Variants in PGM2 observed in about 807,000 individuals in gnomAD.
The protein encoded by PGM2 is phosphopentomutase.
A neutral mutation model predicts 74.6 loss-of-function variants in PGM2; 57 were observed. The ratio of observed to expected loss-of-function variants is 0.76; its 90% CI spans 0.62 to 0.95. The LOEUF (loss-of-function observed/expected upper bound fraction) is 0.95. Ranked by LOEUF, PGM2 falls within the 40% of genes least tolerant of loss-of-function variation. PGM2 has a pLI of 0.00. For missense variants in PGM2, 706 were observed against 741.9 expected (o/e 0.95, Z 0.56); for synonymous variants, 273 against 260.7 (o/e 1.05, Z -0.46).
At chr4:37,849,385 G>A (rs892164781) in intron 11 of PGM2, among the ~76,000 whole-genome samples, 25 of 149,864 alleles carry the variant, frequency 1.7e-4, no homozygotes, top group African/African-American at 5.4e-4. Context: ...GGTGATCCCT[G>A]GGGTAGATTG....
intron 12 of PGM2, among the ~76,000 whole-genome samples, 176 bp downstream of exon 12, chr4:37,850,549 C>A (rs964876061): frequency 6.6e-6 from 1 of 152,132 alleles, no homozygotes; most frequent in Non-Finnish European, 1.5e-5. Flanking sequence ...GCCTATAATT[C>A]CAGCACTTTG....
In PGM2 at chr4:37,826,757, C is replaced by T; in HGVS notation, c.25C>T (p.Leu9=). 7.7e-6 allele frequency: 12 copies of T among 1,550,062 alleles called. No homozygotes were observed. The highest frequency in any genetic ancestry group is 9.6e-6 in the Non-Finnish European group (11 of 1,146,464). ...GATGGCGGCTCCAGAAGGCAGCGGT[C>T]TAGGCGAGGACGCCCGGCTGGACCA... The part of the protein sequence containing the change: MAAPEGSG[L]GEDARLDQET... The change falls in exon 1 of 14, where the codon CTA becomes TTA. Residue 9 remains leucine (L), a synonymous_variant. Transcript: ENST00000381967.
intron 8 of PGM2, 37 bp from the exon 9 acceptor site, chr4:37,846,894 G>T: frequency 1.3e-6 from 2 of 1,532,936 alleles, no homozygotes; most frequent in South Asian, 1.2e-5. Flanking sequence ...TAAGATTATG[G>T]AAATGAATGG....
At chr4:37,830,679 C>T (rs910438617) in intron 2 of PGM2, among the ~76,000 whole-genome samples, 8 of 152,142 alleles carry the variant, frequency 5.3e-5, no homozygotes, top group African/African-American at 1.9e-4. Context: ...ATTGGCAGTA[C>T]TGTTTATGAG....
In PGM2 at chr4:37,829,985, G is replaced by A; in HGVS notation, c.103G>A (p.Val35Met). ...WDKNSLTLEA[V>M]KRLIAEGNKE... is the part of the protein sequence containing the mutation. ...TCAGAATTCCTTAACTTTGGAGGCA[G>A]TGAAACGACTAATAGCAGAAGGTAA... Residue 35 changes from valine (V) to methionine (M), a missense_variant, in exon 2 of 14, where the codon GTG becomes ATG. By Grantham distance (21) the Val-to-Met change is conservative (BLOSUM62 1). Coordinates refer to ENST00000381967, the MANE Select transcript of PGM2 (RefSeq NM_018290.4). 1.9e-6 allele frequency: 3 copies of A among 1,603,524 alleles called. No homozygotes were observed. The highest frequency in any genetic ancestry group is 2.6e-6 in the Non-Finnish European group (3 of 1,176,152).
rs1726175187 is a variant in PGM2 at position 37,855,715 on chromosome 4, A to G, written c.1710A>G (p.Ala570=). Residue 570 remains alanine, a synonymous_variant, in exon 13 of 14, where the codon GCA becomes GCG. Coordinates refer to ENST00000381967, the MANE Select transcript of PGM2 (RefSeq NM_018290.4). ...CAGAGCCCAAAATCAAGTACTATGC[A>G]GAGCTGTGTGCCCCACCTGGGAACA... ...SGTEPKIKYY[A]ELCAPPGNSD... is the part of the protein sequence containing the mutation. The G allele has an allele frequency of 5.6e-6, 9 of 1,612,900 alleles. No homozygotes were observed. The East Asian group carries it at 2.0e-4, about 36-fold the overall frequency.
chr4:37,837,840 A>C, intron 4 of PGM2, among the ~76,000 whole-genome samples: 1 of 152,088 alleles, frequency 6.6e-6, no homozygotes, highest in East Asian at 1.9e-4. Flanking sequence ...TTTAAATTGC[A>C]GTTTTCCTTT....
intron 13 of PGM2, among the ~76,000 whole-genome samples, chr4:37,857,823 G>C (rs1162804278): frequency 6.6e-6 from 1 of 152,122 alleles, no homozygotes; most frequent in Non-Finnish European, 1.5e-5. Flanking sequence ...GTAATATTAT[G>C]CAAGAATCTT....
chr4:37,849,213 T>G (rs1022550494), intron 11 of PGM2, among the ~76,000 whole-genome samples: 23 of 152,204 alleles, frequency 1.5e-4, no homozygotes, highest in African/African-American at 5.3e-4. Flanking sequence ...GTGTCCAGTA[T>G]CAAAAAAGAT....
intron 10 of PGM2, chr4:37,847,554 CG>C: frequency 2.4e-6 from 1 of 408,718 alleles, no homozygotes; most frequent in South Asian, 2.3e-5. Context: ...GCTTGGCTGC[CG>C]GTACATGTAT....
chr4:37,826,737 C>A lies in PGM2; in HGVS notation c.5C>A (p.Ala2Glu). Residue 2 changes from alanine (A) to glutamate (E), a missense_variant, in exon 1 of 14, where the codon GCG (alanine) becomes GAG (glutamate). Physicochemically the swap from Ala to Glu is moderately radical, Grantham distance 107. Around this residue, in one of 3 missense-constraint regions of PGM2, gnomAD observed 332 missense variants for 334.9 expected, o/e 0.99. Coordinates refer to ENST00000381967, the MANE Select transcript of PGM2 (RefSeq NM_018290.4). ...AGCGGTAGCACAAGCTCAGCGATGG[C>A]GGCTCCAGAAGGCAGCGGTCTAGGC... M[A>E]APEGSGLGED... The A allele has an allele frequency of 6.5e-7, 1 of 1,549,304 alleles. No homozygotes were observed. Among genetic ancestry groups the A allele is most frequent in the Non-Finnish European group, 8.7e-7 (1 of 1,145,680 alleles).
rs1577676919 is a variant in PGM2 at position 37,842,013 on chromosome 4, C to T, written c.719+1754C>T. On this transcript the variant is annotated intron_variant, in intron 6 of 13. Transcript: ENST00000381967. ...TTGACAGCATATGATACCTACATTT[C>T]CTCCTGCTCTGTGATCCAATTTCTC... 3.3e-5 allele frequency among the ~76,000 whole-genome samples: 5 copies of T among 152,158 alleles called. No homozygotes were observed. In the South Asian group the frequency reaches 1.0e-3, roughly 32 times the overall value.
chr4:37,840,631 C>T (rs957048054), intron 6 of PGM2, among the ~76,000 whole-genome samples: 4 of 152,148 alleles, frequency 2.6e-5, no homozygotes, highest in African/African-American at 9.7e-5. Flanking sequence ...GTGATCCACC[C>T]ACCTTGGCCT....
Position 37,841,072 on chromosome 4 carries a change from G to GTATATATA in PGM2, c.719+835_719+842dup, listed in dbSNP as rs36127170. On this transcript the variant is annotated intron_variant, in intron 6 of 13. Coordinates refer to ENST00000381967, the MANE Select transcript of PGM2 (RefSeq NM_018290.4). ...AAAAATTTTCTGTGCATATGCAAGC[G>GTATATATA]TATATATATATATATATATATATAT... Among the ~76,000 whole-genome samples, 720 of 113,714 alleles carry GTATATATA rather than the reference G, an allele frequency of 6.3e-3. 5 individuals are homozygous for GTATATATA. Among genetic ancestry groups the GTATATATA allele is most frequent in the Admixed American group, 0.011 (101 of 8,798 alleles). The allele number at this position is 113,714 out of a possible 152,430, so 74.6% of individuals were successfully genotyped here. A position where few individuals can be genotyped will look rare whatever the true frequency, so the allele number is the denominator to read the frequency against.
chr4:37,850,264 G>A lies in PGM2; in HGVS notation c.1493G>A (p.Arg498Lys). 1 of 1,587,296 alleles carries A rather than the reference G, an allele frequency of 6.3e-7. No individual in the cohort carries two copies. Among genetic ancestry groups the A allele is most frequent in the Non-Finnish European group, 8.5e-7 (1 of 1,170,786 alleles). Residue 498 changes from arginine (R) to lysine (K), a missense_variant, in exon 12 of 14, where the codon AGA (arginine) becomes AAA (lysine). Around this residue, in one of 3 missense-constraint regions of PGM2, gnomAD observed 359 missense variants for 371.1 expected, o/e 0.97. Coordinates refer to ENST00000381967, the MANE Select transcript of PGM2 (RefSeq NM_018290.4). Reference sequence around the variant, plus strand: ...ATTAAGAAATTATTTGAAAACCTCAGAAACTACGATGGAAAAAATAATTAT... The same window carrying A: ...ATTAAGAAATTATTTGAAAACCTCAAAAACTACGATGGAAAAAATAATTAT... ...ETIKKLFENL[R>K]NYDGKNNYPK...
chr4:37,848,646 T>C lies in PGM2; in HGVS notation c.1407T>C (p.Tyr469=). 1 of 1,612,842 alleles carries C rather than the reference T, an allele frequency of 6.2e-7. No individual in the cohort carries two copies. The highest frequency in any genetic ancestry group is 8.5e-7 in the Non-Finnish European group (1 of 1,178,952). The change falls in exon 11 of 14, where the codon TAT becomes TAC. Residue 469 remains tyrosine (Y), a synonymous_variant. Transcript: ENST00000381967. Reference sequence around the variant, plus strand: ...TGTCTCAGCAACTAAAGGCCATTTATGTGGAGTAAGTTGTTATTGACTCTG... The same window carrying C: ...TGTCTCAGCAACTAAAGGCCATTTACGTGGAGTAAGTTGTTATTGACTCTG... The part of the protein sequence containing the change: ...LSLSQQLKAI[Y]VEYGYHITKA...
At chr4:37,854,204 T>TTATGCTATTCAAAGTACCTC (rs1458518754) in intron 12 of PGM2, among the ~76,000 whole-genome samples, 1 of 152,204 alleles carries the variant, frequency 6.6e-6, no homozygotes, top group African/African-American at 2.4e-5. Context: ...GCCCGTGTGT[T>TTATGCTATTCAAAGTACCTC]TATGCTATTC....
At chr4:37,845,857 C>G in intron 8 of PGM2, 127 bp downstream of exon 8, 1 of 658,836 alleles carries the variant, frequency 1.5e-6, no homozygotes, top group East Asian at 2.8e-5. Flanking sequence ...ATGATCATTT[C>G]ACTGAACCTC....
intron 2 of PGM2, among the ~76,000 whole-genome samples, chr4:37,832,101 G>A (rs1333911884): frequency 6.6e-6 from 1 of 152,140 alleles, no homozygotes; most frequent in Non-Finnish European, 1.5e-5. Flanking sequence ...AAACATAGAT[G>A]ATCAATATTC....
Sources: gnomAD v4.1 joint callset for allele counts (sites outside exome capture counted in the v4.1 genomes callset) on GRCh38, gnomAD v4.1.1 for gene constraint, gnomAD v4.1.1 regional missense constraint, MANE v1.5 for transcripts, NCBI Gene and HGNC (gene_info 2026-07-23, HGNC 2026-07-21) for gene names.